CRHR1: variants seen among roughly 807,000 people sequenced by gnomAD.
CRHR1 encodes corticotropin-releasing hormone receptor 1.
CRHR1 carries 28 observed loss-of-function variants against 56.0 expected under a neutral mutation model. That is an observed-to-expected ratio of 0.50 (90% CI 0.37 to 0.69). CRHR1 has a LOEUF of 0.69. CRHR1 is among the 30% of genes least tolerant of loss of function. CRHR1 has a pLI of 0.00. For synonymous variants in CRHR1, 195 were observed against 216.5 expected, an observed-to-expected ratio of 0.90 and a Z score of 0.87; for missense variants, 376 against 548.0, an observed-to-expected ratio of 0.69 and a Z score of 3.13.
At chr17:45,797,291 T>TTTC (rs1462132892) in intron 1 of CRHR1, among the ~76,000 whole-genome samples, 4 of 138,594 alleles carry the variant, frequency 2.9e-5, no homozygotes, top group African/African-American at 1.1e-4. Context: ...TTCTTTTTTT[T>TTTC]TTTTTTTTTT....
intron 1 of CRHR1, among the ~76,000 whole-genome samples, chr17:45,794,385 TAGCACGGGCCTAA>T (rs1240967511): frequency 2.0e-5 from 3 of 152,238 alleles, no homozygotes; most frequent in African/African-American, 7.2e-5. Flanking sequence ...ACCCTTTGAA[TAGCACGGGCCTAA>T]AGCCCTCCTT....
At position 45,834,000 on chromosome 17, in the gene CRHR1, T is replaced by A; in HGVS notation, c.1066-7T>A. On this transcript the variant is annotated splice_polypyrimidine_tract_variant and splice_region_variant and intron_variant, in intron 11 of 12. Coordinates refer to ENST00000314537, the MANE Select transcript of CRHR1 (RefSeq NM_004382.5). ...CCGACCTTTGACGCCTCCTCTCTCC[T>A]CCCCAGGGCTTCTTTGTGTCTGTGT... 6.2e-7 allele frequency: 1 copy of A among 1,613,770 alleles called. No individual in the cohort carries two copies. Among genetic ancestry groups the A allele is most frequent in the South Asian group, 1.1e-5 (1 of 91,082 alleles).
intron 12 of CRHR1, 142 bp downstream of exon 12, chr17:45,834,190 G>A (rs1334365552): frequency 1.9e-6 from 2 of 1,064,288 alleles, no homozygotes; most frequent in East Asian, 2.4e-5. Flanking sequence ...GCTGCTGGGA[G>A]CCCCAGGGTG....
Position 45,834,803 on chromosome 17 carries a change from T to C in CRHR1, c.*39T>C. 6.2e-7 allele frequency: 1 copy of C among 1,611,950 alleles called. No individual in the cohort carries two copies. Among genetic ancestry groups the C allele is most frequent in the Non-Finnish European group, 8.5e-7 (1 of 1,179,302 alleles). The stretch of plus-strand genomic sequence containing the variant: ...GGAGCAGCCCCCAAAGAGCTGTGGC[T>C]GGGGGGATGACGGCCAGGCTCCCTG... On this transcript the variant is annotated 3_prime_UTR_variant, in exon 13 of 13. Transcript: ENST00000314537.
At chr17:45,833,693 T>TGGGGGGGGGGGGGCGG in intron 10 of CRHR1, 21 bp from the exon 11 acceptor site, 1 of 1,571,616 alleles carries the variant, frequency 6.4e-7, no homozygotes, top group East Asian at 2.3e-5. Flanking sequence ...ACTCCGAGCC[T>TGGGGGGGGGGGGGCGG]CCCCACCCGC....
chr17:45,829,589 G>A lies in CRHR1; in HGVS notation c.434+268G>A, dbSNP rs1289237582. The A allele has an allele frequency of 3.9e-6, 6 of 1,550,790 alleles. No individual in the cohort carries two copies. The Admixed American group carries it at 5.9e-5, about 15-fold the overall frequency. On this transcript the variant is annotated intron_variant, in intron 5 of 12. Coordinates refer to ENST00000314537, the MANE Select transcript of CRHR1 (RefSeq NM_004382.5). ...AGGCTGCACCCATTGGGGTGACCAGGCAGATGGAGCCCTGGAGGTGGGGGC... is the reference window on the plus strand; with the variant it reads ...AGGCTGCACCCATTGGGGTGACCAGACAGATGGAGCCCTGGAGGTGGGGGC...
chr17:45,799,020 G>A (rs1201750840), intron 1 of CRHR1, among the ~76,000 whole-genome samples: 1 of 152,248 alleles, frequency 6.6e-6, no homozygotes, highest in African/African-American at 2.4e-5. Context: ...GAGGCTGTGG[G>A]AGGAGGGCCA....
chr17:45,829,166 A>T, intron 4 of CRHR1, 49 bp from the exon 5 acceptor site: 1 of 1,441,254 alleles, frequency 6.9e-7, no homozygotes, highest in Non-Finnish European at 9.7e-7. Context: ...CTCACAGAGC[A>T]GCTCCCATCC....
rs761301436 is a variant in CRHR1, at chr17:45,829,344, T to G, written c.434+23T>G. Reference sequence around the variant, plus strand: ...CAGGTGAGAAGACCCCAGCACTGCCTCCTCCTGTCCCCAGGACCTAGAGCA... The same window carrying G: ...CAGGTGAGAAGACCCCAGCACTGCCGCCTCCTGTCCCCAGGACCTAGAGCA... On this transcript the variant is annotated intron_variant, in intron 5 of 12. Coordinates refer to ENST00000314537, the MANE Select transcript of CRHR1 (RefSeq NM_004382.5). The G allele has an allele frequency of 6.3e-6, 10 of 1,590,304 alleles. 1 individual carries two copies. In the South Asian group the frequency reaches 1.0e-4, roughly 16 times the overall value.
intron 1 of CRHR1, among the ~76,000 whole-genome samples, chr17:45,797,947 C>G (rs1170328159): frequency 6.6e-6 from 1 of 152,116 alleles, no homozygotes; most frequent in African/African-American, 2.4e-5. Flanking sequence ...GCTTCCCACC[C>G]AGAGTGCTTT....
intron 1 of CRHR1, among the ~76,000 whole-genome samples, chr17:45,790,805 C>T (rs1455441404): frequency 6.6e-6 from 1 of 152,128 alleles, no homozygotes; most frequent in African/African-American, 2.4e-5. Flanking sequence ...CTAGACTGAC[C>T]GCTATACTTT....
chr17:45,821,720 T>G (rs2062046251), intron 4 of CRHR1, among the ~76,000 whole-genome samples: 1 of 152,200 alleles, frequency 6.6e-6, no homozygotes, highest in Non-Finnish European at 1.5e-5. Flanking sequence ...GGCAGCCGCT[T>G]GCACTGGGCA....
intron 1 of CRHR1, among the ~76,000 whole-genome samples, chr17:45,805,692 ACT>A (rs1183145838): frequency 6.6e-6 from 1 of 152,044 alleles, no homozygotes; most frequent in East Asian, 1.9e-4. Context: ...CTGTCTGGGA[ACT>A]CTGCTGGTGG....
chr17:45,784,477 GC>G lies in CRHR1; in HGVS notation c.-65del. ...CCCCGTGCCGCCCGAGCCCGCAGCC[GC>G]CCGCCGGTCCCTCTGGGATGTCCGT... On this transcript the variant is annotated 5_prime_UTR_variant, in exon 1 of 13. Transcript: ENST00000314537. This position sits in a 1 kb window ranked among gnomAD's most constrained non-coding sequence, Gnocchi z 4.2. 1 of 1,443,940 alleles carries G rather than the reference GC, an allele frequency of 6.9e-7. No individual in the cohort carries two copies. The highest frequency in any genetic ancestry group is 2.4e-5 in the Admixed American group (1 of 41,844). The allele number at this position is 1,443,940 out of a possible 1,614,324, so 89.4% of individuals were successfully genotyped here.
intron 1 of CRHR1, among the ~76,000 whole-genome samples, chr17:45,788,052 T>G (rs1598391275): frequency 6.6e-6 from 1 of 152,332 alleles, no homozygotes; most frequent in South Asian, 2.1e-4. Context: ...GAAAATCCAT[T>G]TCTCACCCTC....
Position 45,784,429 on chromosome 17 carries a change from C to T in CRHR1, c.-116C>T, listed in dbSNP as rs1598385747. ...AGCCGGGCATCTCCTCACCAGGCAG[C>T]GACCGAGGAGCCCGGCCGCCCACCC... On this transcript the variant is annotated 5_prime_UTR_variant, in exon 1 of 13. Coordinates refer to ENST00000314537, the MANE Select transcript of CRHR1 (RefSeq NM_004382.5). The surrounding 1 kb of genome is among the most constrained non-coding windows in gnomAD (Gnocchi z 4.2). 20 of 1,001,860 alleles carry T rather than the reference C, an allele frequency of 2.0e-5. No homozygotes were observed. The highest frequency in any genetic ancestry group is 3.3e-5 in the Admixed American group (1 of 30,362). The allele number at this position is 1,001,860 out of a possible 1,614,324, so 62.1% of individuals were successfully genotyped here.
chr17:45,813,059 T>C (rs968093474), intron 2 of CRHR1, among the ~76,000 whole-genome samples: 1 of 152,098 alleles, frequency 6.6e-6, no homozygotes, highest in African/African-American at 2.4e-5. Flanking sequence ...CGATCTGAAA[T>C]CCTTGTGGGG....
intron 1 of CRHR1, among the ~76,000 whole-genome samples, chr17:45,790,574 A>G (rs781117002): frequency 3.9e-5 from 6 of 152,234 alleles, no homozygotes; most frequent in African/African-American, 9.6e-5. Flanking sequence ...CAATTTGTCC[A>G]TCTCACCCGC....
chr17:45,807,177 C>A, intron 2 of CRHR1, 80 bp downstream of exon 2: 2 of 1,292,874 alleles, frequency 1.5e-6, no homozygotes, highest in Non-Finnish European at 2.2e-6. Flanking sequence ...AGCCTGCACA[C>A]AGAACCATGC....
Sources: gnomAD v4.1 joint callset for allele counts (sites outside exome capture counted in the v4.1 genomes callset) on GRCh38, gnomAD v4.1.1 for gene constraint, Gnocchi (gnomAD v3.1) non-coding constraint, MANE v1.5 for transcripts, NCBI Gene and HGNC (gene_info 2026-07-23, HGNC 2026-07-21) for gene names.